Variants in DDX60 observed in about 807,000 individuals in gnomAD.
The protein encoded by DDX60 is probable ATP-dependent RNA helicase DDX60.
A neutral mutation model predicts 212.8 loss-of-function variants in DDX60; 165 were observed. That is an observed-to-expected ratio of 0.78 (90% CI 0.68 to 0.88). DDX60 has a LOEUF of 0.88. Ranked by LOEUF, DDX60 falls within the 40% of genes least tolerant of loss-of-function variation. The probability of loss-of-function intolerance (pLI) is 0.00; values close to 1 mark genes in which losing one functional copy is unlikely to be tolerated. For missense variants in DDX60, 1,905 were observed against 2,003.9 expected (o/e 0.95, Z 0.94); for synonymous variants, 703 against 685.3 (o/e 1.03, Z -0.40).
rs1041866004 is a variant in DDX60 at position 168,310,867 on chromosome 4, C to T, written c.74+131G>A. The stretch of plus-strand genomic sequence containing the variant: ...AAAGTTAAACATGGATTCTCAACTG[C>T]ATAGTTGTTCAGTGCCCTTAGCCCC... On this transcript the variant is annotated intron_variant, in intron 3 of 37. Transcript: ENST00000393743. 1.9e-5 allele frequency: 9 copies of T among 472,850 alleles called. No homozygotes were observed. The Admixed American group carries it at 3.1e-4, about 16-fold the overall frequency. The allele number at this position is 472,850 out of a possible 1,614,324, so 29.3% of individuals were successfully genotyped here.
chr4:168,315,189 A>T (rs1482107139), intron 1 of DDX60, among the ~76,000 whole-genome samples: 2 of 152,214 alleles, frequency 1.3e-5, no homozygotes, highest in African/African-American at 2.4e-5. Flanking sequence ...AAGCTACTTA[A>T]ATGTATGAAC....
intron 30 of DDX60, among the ~76,000 whole-genome samples, chr4:168,239,243 G>A (rs1230945573): frequency 6.6e-6 from 1 of 151,962 alleles, no homozygotes; most frequent in East Asian, 1.9e-4. Flanking sequence ...GATAGAGATA[G>A]GAAGATAGAA....
intron 14 of DDX60, among the ~76,000 whole-genome samples, chr4:168,278,374 T>C (rs1324112753): frequency 6.6e-6 from 1 of 152,196 alleles, no homozygotes; most frequent in Admixed American, 6.5e-5. Context: ...ATAGAAAATA[T>C]TTTCCAGGTG....
chr4:168,308,908 T>C (rs936587469), intron 3 of DDX60, among the ~76,000 whole-genome samples: 5 of 152,096 alleles, frequency 3.3e-5, no homozygotes, highest in African/African-American at 1.2e-4. Flanking sequence ...ATAAAGTATA[T>C]GTAGTCTATT....
At chr4:168,263,435 C>G (rs1734707020) in intron 22 of DDX60, 1 of 152,196 alleles carries the variant, frequency 6.6e-6, no homozygotes, top group African/African-American at 2.4e-5. Context: ...TCAATCACTA[C>G]TGCTACAAAT....
chr4:168,236,412 G>T (rs1733633388), intron 32 of DDX60, 39 bp from the exon 33 acceptor site: 2 of 1,496,338 alleles, frequency 1.3e-6, no homozygotes, highest in East Asian at 2.4e-5. Flanking sequence ...ATATGAAAGG[G>T]TATAATTCTA....
rs1039321807 is a variant in DDX60 at position 168,268,936 on chromosome 4, T to C, written c.2704A>G (p.Ile902Val). 13 of 1,591,986 alleles carry C rather than the reference T, an allele frequency of 8.2e-6. No homozygotes were observed. Among genetic ancestry groups the C allele is most frequent in the African/African-American group, 4.0e-5 (3 of 74,312 alleles). ...HCLGGEIGAE[I>V]WEHLLVMIRC... ...ATCATGACAAGGAGATGTTCCCAGA[T>C]TTCTGCTCCAATTTCTCCACCAAGA... The change falls in exon 20 of 38, where the codon ATC (isoleucine) becomes GTC (valine). Residue 902 changes from isoleucine (I) to valine (V), a missense_variant. Physicochemically the swap from Ile to Val is conservative, Grantham distance 29. Transcript: ENST00000393743.
chr4:168,224,514 G>A (rs538775006), intron 34 of DDX60, 129 bp from the exon 35 acceptor site: 20 of 847,090 alleles, frequency 2.4e-5, no homozygotes, highest in East Asian at 5.3e-5. Flanking sequence ...GAAATGTTTC[G>A]TAAGTTATAT....
At chr4:168,232,973 A>C (rs532686214) in intron 33 of DDX60, among the ~76,000 whole-genome samples, 1 of 152,190 alleles carries the variant, frequency 6.6e-6, no homozygotes, top group African/African-American at 2.4e-5. Context: ...AAAGGACTCA[A>C]TATTCAGAAT....
Position 168,220,669 on chromosome 4 carries a change from G to T in DDX60, c.5025C>A (p.Thr1675=). ...ATATAACACACCTGATAGATTTAATGGTGAGTGCAAAATCCTTCAACAAAT... is the reference window on the plus strand; with the variant it reads ...ATATAACACACCTGATAGATTTAATTGTGAGTGCAAAATCCTTCAACAAAT... ...AYYLLKDFAL[T]IKSISVSLRE... The change falls in exon 37 of 38, where the codon ACC becomes ACA. Residue 1675 remains threonine, a synonymous_variant. Transcript: ENST00000393743. The T allele has an allele frequency of 6.8e-7, 1 of 1,471,774 alleles. No individual in the cohort carries two copies. The highest frequency in any genetic ancestry group is 9.1e-7 in the Non-Finnish European group (1 of 1,101,634). The allele number at this position is 1,471,774 out of a possible 1,614,324, so 91.2% of individuals were successfully genotyped here.
chr4:168,285,433 A>G lies in DDX60; in HGVS notation c.1405T>C (p.Phe469Leu), dbSNP rs1485117927. 2.5e-6 allele frequency: 4 copies of G among 1,611,904 alleles called. No individual in the cohort carries two copies. The highest frequency in any genetic ancestry group is 3.4e-6 in the Non-Finnish European group (4 of 1,179,338). The change falls in exon 11 of 38, where the codon TTT (phenylalanine) becomes CTT (leucine). Residue 469 changes from phenylalanine (F) to leucine (L), a missense_variant. Coordinates refer to ENST00000393743, the MANE Select transcript of DDX60 (RefSeq NM_017631.6). The stretch of plus-strand genomic sequence containing the variant: ...AAATCTTTCAAAATATCTCCAGCAA[A>G]TTTATCAACCACAAAAGATGACGTT... The part of the protein sequence containing the change: ...IPTSSFVVDK[F>L]AGDILKDLPF...
At chr4:168,277,855 T>C (rs1735417691) in intron 14 of DDX60, among the ~76,000 whole-genome samples, 1 of 140,840 alleles carries the variant, frequency 7.1e-6, no homozygotes, top group Non-Finnish European at 1.6e-5. Flanking sequence ...CAGAAATACA[T>C]AAATCATATG....
At chr4:168,287,013 T>A in intron 10 of DDX60, 35 bp downstream of exon 10, 1 of 1,530,878 alleles carries the variant, frequency 6.5e-7, no homozygotes. Context: ...AGAGGAATAA[T>A]GCTTTCATTT....
At chr4:168,268,083 T>C in intron 20 of DDX60, 100 bp from the exon 21 acceptor site, 1 of 1,042,688 alleles carries the variant, frequency 9.6e-7, no homozygotes, top group Non-Finnish European at 1.4e-6. Context: ...CCTTATAAAG[T>C]GTACTTAGGG....
chr4:168,312,984 G>A (rs968593841), intron 1 of DDX60, among the ~76,000 whole-genome samples: 2 of 152,066 alleles, frequency 1.3e-5, no homozygotes, highest in African/African-American at 4.8e-5. Context: ...AAAGATTATA[G>A]AGTATCTACA....
At chr4:168,232,327 C>T (rs1053622569) in intron 33 of DDX60, among the ~76,000 whole-genome samples, 8 of 152,030 alleles carry the variant, frequency 5.3e-5, no homozygotes, top group Admixed American at 5.2e-4. Context: ...CATCAAAATA[C>T]CAACATCATT....
intron 14 of DDX60, 104 bp downstream of exon 14, chr4:168,280,231 T>G: frequency 2.2e-6 from 3 of 1,395,192 alleles, no homozygotes; most frequent in Non-Finnish European, 2.9e-6. Context: ...AGATAGGGCA[T>G]GTAAGTCTTC....
At chr4:168,302,883 T>G (rs537184051) in intron 5 of DDX60, among the ~76,000 whole-genome samples, 2 of 152,342 alleles carry the variant, frequency 1.3e-5, no homozygotes, top group African/African-American at 4.8e-5. Flanking sequence ...GCAGCCATTT[T>G]AAATATGCAT....
chr4:168,256,002 G>A (rs1734393855), intron 25 of DDX60, 133 bp from the exon 26 acceptor site: 6 of 856,132 alleles, frequency 7.0e-6, no homozygotes, highest in Non-Finnish European at 1.0e-5. Context: ...ATGTTACCCA[G>A]AATGTGCACA....
Sources: gnomAD v4.1 joint callset for allele counts (sites outside exome capture counted in the v4.1 genomes callset) on GRCh38, gnomAD v4.1.1 for gene constraint, MANE v1.5 for transcripts, NCBI Gene and HGNC (gene_info 2026-07-23, HGNC 2026-07-21) for gene names.